Variants in DCDC1 observed in about 807,000 individuals in gnomAD.
DCDC1 encodes doublecortin domain-containing protein 1.
DCDC1 carries 200 observed loss-of-function variants against 178.3 expected under a neutral mutation model. The observed-to-expected ratio is 1.12, with a 90% CI of 1.00 to 1.26. The LOEUF (loss-of-function observed/expected upper bound fraction) is 1.26. Ranked by LOEUF, DCDC1 falls within the 50% of genes most tolerant of loss-of-function variation. DCDC1 has a pLI of 0.00. For synonymous variants in DCDC1, 690 were observed against 604.8 expected (o/e 1.14, Z -2.07); for missense variants, 1,983 against 1,749.2 (o/e 1.13, Z -2.38).
In DCDC1 at chr11:31,094,193, TAAG is replaced by T. The variant is rs765165568; in HGVS notation, c.1984-12_1984-10del. ...ACAATATTGGGATCTACCTGTATCA[TAAG>T]AAGAAGTATGCATTTTTAACTCATA... On this transcript the variant is annotated splice_polypyrimidine_tract_variant and intron_variant, in intron 15 of 38. Transcript: ENST00000684477. The T allele has an allele frequency of 7.4e-5, 57 of 765,778 alleles. No individual in the cohort carries two copies. Among genetic ancestry groups the T allele is most frequent in the East Asian group, 1.5e-4 (6 of 41,212 alleles). The allele number at this position is 765,778 out of a possible 1,614,324, so 47.4% of individuals were successfully genotyped here.
At chr11:31,294,798 A>AAAGAAAG (rs1947519905) in intron 6 of DCDC1, among the ~76,000 whole-genome samples, 1 of 125,232 alleles carries the variant, frequency 8.0e-6, no homozygotes, top group African/African-American at 3.1e-5. Flanking sequence ...AAAATAAAGA[A>AAAGAAAG]AAAGAAAGAA....
intron 21 of DCDC1, among the ~76,000 whole-genome samples, chr11:30,935,378 G>A (rs1947211703): frequency 6.6e-6 from 1 of 152,154 alleles, no homozygotes; most frequent in Non-Finnish European, 1.5e-5. Flanking sequence ...AAACCTGGCA[G>A]GCATCAAATC....
intron 20 of DCDC1, among the ~76,000 whole-genome samples, chr11:31,022,704 C>T (rs892420990): frequency 7.1e-6 from 1 of 140,412 alleles, no homozygotes; most frequent in Non-Finnish European, 1.5e-5. Flanking sequence ...GTTTATCTAT[C>T]TATATGTCTA....
chr11:31,240,184 T>C (rs1213598670), intron 9 of DCDC1, among the ~76,000 whole-genome samples: 2 of 152,000 alleles, frequency 1.3e-5, no homozygotes, highest in Non-Finnish European at 2.9e-5. Context: ...TATAATATCA[T>C]GATATCTTAA....
At chr11:31,269,652 C>T (rs1945415234) in intron 7 of DCDC1, among the ~76,000 whole-genome samples, 1 of 152,158 alleles carries the variant, frequency 6.6e-6, no homozygotes, top group Non-Finnish European at 1.5e-5. Context: ...TCCCTAAGTG[C>T]TGGGATTACA....
At chr11:31,343,997 T>C (rs144833112) in intron 1 of DCDC1, among the ~76,000 whole-genome samples, 228 of 152,304 alleles carry the variant, frequency 1.5e-3, no homozygotes, top group Non-Finnish European at 2.4e-3. Context: ...GTTATATAAG[T>C]GTGAAATCAT....
chr11:31,215,874 G>T (rs1333480482), intron 9 of DCDC1, among the ~76,000 whole-genome samples: 1 of 152,026 alleles, frequency 6.6e-6, no homozygotes, highest in Non-Finnish European at 1.5e-5. Context: ...AGTGGCCTTT[G>T]TTAGTTTCAT....
At chr11:31,072,519 T>A (rs1012309731) in intron 18 of DCDC1, among the ~76,000 whole-genome samples, 2 of 152,148 alleles carry the variant, frequency 1.3e-5, no homozygotes, top group African/African-American at 4.8e-5. Context: ...CTTATGAAGA[T>A]GTACTTATGA....
intron 37 of DCDC1, 127 bp downstream of exon 37, chr11:30,881,031 T>C: frequency 9.5e-7 from 1 of 1,050,756 alleles, no homozygotes; most frequent in Non-Finnish European, 1.3e-6. Flanking sequence ...TTCCATAACA[T>C]GGAGTAGAAA....
chr11:31,190,362 C>T (rs1044215319), intron 9 of DCDC1, among the ~76,000 whole-genome samples: 1 of 152,076 alleles, frequency 6.6e-6, no homozygotes, highest in Non-Finnish European at 1.5e-5. Context: ...AACTCAGATG[C>T]AACATTGATA....
At chr11:31,314,445 G>A (rs1489179193) in intron 3 of DCDC1, 1 of 152,094 alleles carries the variant, frequency 6.6e-6, no homozygotes, top group Non-Finnish European at 1.5e-5. Context: ...ATCTATTTAT[G>A]AGCACACTAT....
rs1288836905 is a variant in DCDC1, at chr11:31,094,080, C to G, written c.2088G>C (p.Trp696Cys). 1.3e-6 allele frequency: 1 copy of G among 766,236 alleles called. No homozygotes were observed. Among genetic ancestry groups the G allele is most frequent in the Admixed American group, 1.7e-5 (1 of 59,004 alleles). The allele number at this position is 766,236 out of a possible 1,614,324, so 47.5% of individuals were successfully genotyped here. A position where few individuals can be genotyped will look rare whatever the true frequency, so the allele number is the denominator to read the frequency against. ...SRSQIAPSILWPVASVWLITK... is the reference protein window; with the variant it reads ...SRSQIAPSILCPVASVWLITK... ...TGATCAGCCACACACTGGCTACAGG[C>G]CACAGGATCGATGGCGCTATTTGAC... The change falls in exon 16 of 39, where the codon TGG (tryptophan) becomes TGC (cysteine). Residue 696 changes from tryptophan to cysteine, a missense_variant. By Grantham distance (215) the Trp-to-Cys change is radical. Transcript: ENST00000684477.
chr11:31,253,655 G>A (rs1944221387), intron 8 of DCDC1, among the ~76,000 whole-genome samples: 1 of 152,160 alleles, frequency 6.6e-6, no homozygotes, highest in African/African-American at 2.4e-5. Context: ...GACCTGCCTT[G>A]TAGAAGACTC....
intron 3 of DCDC1, 80 bp from the exon 4 acceptor site, chr11:31,307,988 GTGTGCTA>G (rs1257117144): frequency 9.0e-6 from 14 of 1,554,208 alleles, no homozygotes; most frequent in African/African-American, 1.4e-5. Context: ...ATAACGAGTT[GTGTGCTA>G]TGTGCTACAC....
intron 36 of DCDC1, among the ~76,000 whole-genome samples, chr11:30,891,291 T>C (rs981052743): frequency 6.6e-6 from 1 of 152,146 alleles, no homozygotes; most frequent in Non-Finnish European, 1.5e-5. Context: ...TCTTCATATA[T>C]AAAGCTCATA....
At chr11:31,369,253 T>C (rs1005106433) in intron 1 of DCDC1, among the ~76,000 whole-genome samples, 5 of 152,216 alleles carry the variant, frequency 3.3e-5, no homozygotes, top group African/African-American at 1.2e-4. Context: ...GAAAGAATTT[T>C]GGAACGTTTT....
At chr11:30,979,999 GA>G (rs1380472185) in intron 20 of DCDC1, among the ~76,000 whole-genome samples, 2 of 152,100 alleles carry the variant, frequency 1.3e-5, no homozygotes, top group Non-Finnish European at 2.9e-5. Context: ...TTTATACAAA[GA>G]AAACTCTTAA....
At chr11:30,896,494 C>T (rs529926832) in intron 34 of DCDC1, among the ~76,000 whole-genome samples, 4 of 152,310 alleles carry the variant, frequency 2.6e-5, no homozygotes, top group African/African-American at 9.6e-5. Context: ...TCTCCCCATT[C>T]GCTGTCTTAT....
At chr11:31,338,861 T>C (rs1348912163) in intron 1 of DCDC1, among the ~76,000 whole-genome samples, 1 of 152,200 alleles carries the variant, frequency 6.6e-6, no homozygotes, top group Non-Finnish European at 1.5e-5. Context: ...CTCCAGACTT[T>C]TATATGAGTA....
Sources: gnomAD v4.1 joint callset for allele counts (sites outside exome capture counted in the v4.1 genomes callset) on GRCh38, gnomAD v4.1.1 for gene constraint, MANE v1.5 for transcripts, NCBI Gene and HGNC (gene_info 2026-07-23, HGNC 2026-07-21) for gene names.